The following TBCA variants were observed in gnomAD, a reference collection of about 807,000 sequenced individuals.
TBCA encodes the protein tubulin folding cofactor A, also known as tubulin-specific chaperone A.
A neutral mutation model predicts 15.8 loss-of-function variants in TBCA; 6 were observed. That is an observed-to-expected ratio of 0.38 (90% CI 0.21 to 0.75). The LOEUF (loss-of-function observed/expected upper bound fraction) is 0.75. Ranked by LOEUF, TBCA falls within the 30% of genes least tolerant of loss-of-function variation. The pLI is 0.46. For missense variants in TBCA, 90 were observed against 131.2 expected, an observed-to-expected ratio of 0.69 and a Z score of 1.53; for synonymous variants, 32 against 42.3, an observed-to-expected ratio of 0.76 and a Z score of 0.94.
chr5:77,749,735 G>A (rs1747273439), intron 1 of TBCA, among the ~76,000 whole-genome samples: 1 of 152,136 alleles, frequency 6.6e-6, no homozygotes, highest in Non-Finnish European at 1.5e-5. Flanking sequence ...AGATAAATCT[G>A]CCAATTTGTA....
intron 3 of TBCA, chr5:77,692,697 T>C (rs1358701072): frequency 3.0e-6 from 3 of 987,622 alleles, no homozygotes; most frequent in East Asian, 1.1e-4. Context: ...CTGTCTTAGA[T>C]AGTATTTTAA....
At chr5:77,735,634 A>T (rs1482402981) in intron 1 of TBCA, among the ~76,000 whole-genome samples, 1 of 152,210 alleles carries the variant, frequency 6.6e-6, no homozygotes, top group African/African-American at 2.4e-5. Context: ...AAATAGGATT[A>T]ATCATTTTAG....
chr5:77,762,140 T>C (rs1172660474), intron 1 of TBCA, among the ~76,000 whole-genome samples: 1 of 152,194 alleles, frequency 6.6e-6, no homozygotes, highest in Non-Finnish European at 1.5e-5. Flanking sequence ...CAGGTAGTTA[T>C]CATGAAAAGC....
chr5:77,758,471 T>C (rs967691444), intron 1 of TBCA, among the ~76,000 whole-genome samples: 4 of 152,222 alleles, frequency 2.6e-5, no homozygotes, highest in South Asian at 2.1e-4. Flanking sequence ...ATCTTTAGTG[T>C]TGTGAGCCCT....
chr5:77,774,986 A>T (rs1432032088), intron 1 of TBCA, among the ~76,000 whole-genome samples: 1 of 49,102 alleles, frequency 2.0e-5, no homozygotes, highest in Non-Finnish European at 4.8e-5. Context: ...AGATTAAAAA[A>T]AAAAAAAAAA....
intron 1 of TBCA, among the ~76,000 whole-genome samples, chr5:77,730,540 C>CA (rs1746743716): frequency 6.6e-6 from 1 of 152,080 alleles, no homozygotes; most frequent in Admixed American, 6.6e-5. Context: ...GTAATTGAAA[C>CA]AGATGCTAAT....
At chr5:77,765,888 AAAAAAAAAAAAAG>A (rs1320218241) in intron 1 of TBCA, among the ~76,000 whole-genome samples, 2 of 92,918 alleles carry the variant, frequency 2.2e-5, no homozygotes, top group South Asian at 3.1e-4. Flanking sequence ...GGCCAAAAAA[AAAAAAAAAAAAAG>A]AAAACTAAAC....
chr5:77,702,495 T>C (rs1746040701), intron 2 of TBCA, among the ~76,000 whole-genome samples: 1 of 152,204 alleles, frequency 6.6e-6, no homozygotes, highest in African/African-American at 2.4e-5. Context: ...TTTAGGGTTT[T>C]GGGAGCAGAG....
intron 1 of TBCA, among the ~76,000 whole-genome samples, chr5:77,763,019 G>T (rs1011810475): frequency 2.6e-5 from 4 of 152,148 alleles, no homozygotes; most frequent in African/African-American, 9.7e-5. Context: ...CGAGGCAGGC[G>T]GATCACGAGG....
chr5:77,702,938 A>T (rs1746055221), intron 2 of TBCA, among the ~76,000 whole-genome samples: 1 of 152,156 alleles, frequency 6.6e-6, no homozygotes, highest in East Asian at 1.9e-4. Context: ...TTCTTTGAGG[A>T]TCAGCCTTGT....
chr5:77,725,588 C>A (rs2112461250), intron 1 of TBCA, among the ~76,000 whole-genome samples: 1 of 152,272 alleles, frequency 6.6e-6, no homozygotes, highest in East Asian at 1.9e-4. Flanking sequence ...GGCACGACAA[C>A]AAAGAATTCA....
intron 1 of TBCA, among the ~76,000 whole-genome samples, chr5:77,764,166 C>G (rs959009229): frequency 3.3e-5 from 5 of 152,014 alleles, no homozygotes; most frequent in Admixed American, 3.3e-4. Flanking sequence ...GTAAATGACA[C>G]GTTTTAGCAA....
intron 1 of TBCA, among the ~76,000 whole-genome samples, chr5:77,774,021 ACTAAGG>A (rs1300452175): frequency 4.6e-5 from 7 of 152,192 alleles, no homozygotes; most frequent in Non-Finnish European, 7.4e-5. Context: ...CCTCCTCTCA[ACTAAGG>A]GCATTCTAAA....
chr5:77,765,320 G>A (rs1747744437), intron 1 of TBCA, among the ~76,000 whole-genome samples: 1 of 152,216 alleles, frequency 6.6e-6, no homozygotes, highest in African/African-American at 2.4e-5. Context: ...CTGAATGGGT[G>A]TTAGGGACCC....
At chr5:77,757,318 C>T (rs1248426416) in intron 1 of TBCA, among the ~76,000 whole-genome samples, 3 of 152,068 alleles carry the variant, frequency 2.0e-5, no homozygotes, top group Admixed American at 6.5e-5. Context: ...TGCCTAGGAA[C>T]GGGACCCCAG....
At chr5:77,776,068 G>A in intron 1 of TBCA, 137 bp downstream of exon 1, 1 of 1,081,822 alleles carries the variant, frequency 9.2e-7, no homozygotes, top group South Asian at 1.6e-5. Context: ...GCCAGTCCCA[G>A]CCAACTGCGG....
intron 1 of TBCA, among the ~76,000 whole-genome samples, chr5:77,741,740 A>G (rs568687747): frequency 1.5e-4 from 23 of 152,234 alleles, no homozygotes; most frequent in African/African-American, 5.1e-4. Flanking sequence ...GTCCAACAAT[A>G]AAGAGTAGGA....
At chr5:77,726,000 G>A (rs1198591850) in intron 1 of TBCA, among the ~76,000 whole-genome samples, 1 of 152,140 alleles carries the variant, frequency 6.6e-6, no homozygotes, top group Non-Finnish European at 1.5e-5. Context: ...AAAGTTAATG[G>A]AAAAGCAGCT....
At chr5:77,700,030 CAAAAA>C (rs67790719) in intron 2 of TBCA, among the ~76,000 whole-genome samples, 1 of 86,112 alleles carries the variant, frequency 1.2e-5, no homozygotes, top group African/African-American at 4.8e-5. Context: ...GGCTCTGACT[CAAAAA>C]AAAAAAAAAA....
Sources: allele counts gnomAD v4.1 joint callset (sites outside exome capture counted in the v4.1 genomes callset), GRCh38; gene constraint gnomAD v4.1.1; transcripts MANE v1.5; gene names NCBI Gene and HGNC (gene_info 2026-07-23, HGNC 2026-07-21).